Variants in TENM1 observed in about 807,000 individuals in gnomAD.
The protein encoded by TENM1 is teneurin transmembrane protein 1.
In TENM1, 35 loss-of-function variants were observed where a neutral mutation model predicts 174.8. The observed-to-expected ratio is 0.20, with a 90% CI of 0.15 to 0.27. The LOEUF (loss-of-function observed/expected upper bound fraction) is 0.27, where lower values mean the gene tolerates loss of function less well. Ranked by LOEUF, TENM1 falls within the 10% of genes least tolerant of loss-of-function variation. The probability of loss-of-function intolerance (pLI) is 1.00; values close to 1 mark genes in which losing one functional copy is unlikely to be tolerated. For missense variants in TENM1, 1,633 were observed against 2,130.1 expected (o/e 0.77, Z 4.59); for synonymous variants, 781 against 798.7 (o/e 0.98, Z 0.37).
chrX:125,043,422 A>G, the TENM1 span, among the ~76,000 whole-genome samples: 1 of 85,296 alleles, frequency 1.2e-5, no homozygotes, highest in South Asian at 7.4e-4. Flanking sequence ...AATGCTCACC[A>G]TCACTGGACA....
chrX:125,135,914 T>C, the TENM1 span, among the ~76,000 whole-genome samples: 3 of 112,003 alleles, frequency 2.7e-5, no homozygotes, highest in Non-Finnish European at 5.6e-5. Flanking sequence ...GGACTATGTG[T>C]CCTAATTTTT....
At chrX:124,967,947 G>C, upstream of TENM1, among the ~76,000 whole-genome samples, 1 of 111,997 alleles carries the variant, frequency 8.9e-6, no homozygotes, top group Non-Finnish European at 1.9e-5. Flanking sequence ...TAGTGGACTA[G>C]ATACTGGAAA....
At chrX:125,125,083 A>G in the TENM1 span, among the ~76,000 whole-genome samples, 7 of 112,573 alleles carry the variant, frequency 6.2e-5, no homozygotes, top group Admixed American at 1.9e-4. Context: ...GCTGGTTAAG[A>G]TATTGTAAAA....
chrX:124,605,236 A>G (rs1055084998), intron 11 of TENM1, among the ~76,000 whole-genome samples: 9 of 101,935 alleles, frequency 8.8e-5, no homozygotes, highest in African/African-American at 2.9e-4. Flanking sequence ...TCTTTCAGTA[A>G]AGAAAATAAA....
At chrX:124,635,623 G>C (rs1378869315) in intron 11 of TENM1, among the ~76,000 whole-genome samples, 1 of 112,103 alleles carries the variant, frequency 8.9e-6, no homozygotes, top group East Asian at 2.8e-4. Context: ...TAATGATAGA[G>C]GGAGTGGTTC....
chrX:124,709,799 C>T (rs1439122123), intron 4 of TENM1, among the ~76,000 whole-genome samples: 2 of 110,663 alleles, frequency 1.8e-5, no homozygotes, highest in African/African-American at 6.6e-5. Context: ...CTACATAATA[C>T]ACATCTATTC....
At chrX:124,778,245 C>T (rs913097955) in intron 3 of TENM1, among the ~76,000 whole-genome samples, 1 of 112,595 alleles carries the variant, frequency 8.9e-6, no homozygotes, top group Admixed American at 9.3e-5. Flanking sequence ...GGGAAGTTTG[C>T]GTTGTTTGCA....
At chrX:125,078,870 T>C in the TENM1 span, among the ~76,000 whole-genome samples, 2 of 111,791 alleles carry the variant, frequency 1.8e-5, no homozygotes, top group African/African-American at 6.5e-5. Context: ...TAGTAAGAGT[T>C]TGCAGTTATG....
intron 11 of TENM1, 29 bp downstream of exon 14, chrX:124,641,762 G>T (rs750999871): frequency 8.6e-7 from 1 of 1,164,800 alleles, no homozygotes; most frequent in Non-Finnish European, 1.2e-6. Context: ...AAGAGTAGAG[G>T]AAGGAGAAGG....
intron 21 of TENM1, among the ~76,000 whole-genome samples, chrX:124,485,252 A>G (rs1031150218): frequency 9.0e-6 from 1 of 111,194 alleles, no homozygotes; most frequent in African/African-American, 3.3e-5. Context: ...ATCAAGTAAG[A>G]GAATCCAGTA....
chrX:124,622,569 A>G (rs967651241), intron 11 of TENM1, among the ~76,000 whole-genome samples: 4 of 112,207 alleles, frequency 3.6e-5, no homozygotes, highest in Non-Finnish European at 7.5e-5. Flanking sequence ...CCCTTGCCAT[A>G]TCAGGATGAC....
At chrX:124,705,138 C>T (rs2052868136) in exon 5 of TENM1, 1 of 1,211,038 alleles carries the variant, frequency 8.3e-7, no homozygotes, top group South Asian at 1.8e-5. Context: ...AAAGGTGCTT[C>T]GAGGAAGAGG....
At chrX:124,608,714 T>C (rs1284980894) in intron 11 of TENM1, among the ~76,000 whole-genome samples, 4 of 110,520 alleles carry the variant, frequency 3.6e-5, no homozygotes, top group Non-Finnish European at 5.7e-5. Context: ...AAATCTCCAT[T>C]CAGACAGCAA....
chrX:124,892,436 CAG>C (rs752417283), intron 3 of TENM1, among the ~76,000 whole-genome samples: 5 of 111,263 alleles, frequency 4.5e-5, no homozygotes, highest in Non-Finnish European at 9.4e-5. Context: ...GGCAACCAAA[CAG>C]AGTTAAGGAA....
At chrX:124,936,361 C>T (rs748792868) in intron 1 of TENM1, among the ~76,000 whole-genome samples, 11 of 111,637 alleles carry the variant, frequency 9.9e-5, no homozygotes, top group Non-Finnish European at 2.1e-4. Flanking sequence ...TCACATGCTC[C>T]GCTCTTCCTT....
chrX:124,377,140 A>C (rs1001204555), exon 32 of TENM1: 11 of 110,980 alleles, frequency 9.9e-5, no homozygotes, highest in Admixed American at 1.9e-4. Flanking sequence ...TAAAGAAAAA[A>C]AAAAGAAAAA....
chrX:124,764,746 G>T (rs1405551217), intron 3 of TENM1, among the ~76,000 whole-genome samples: 2 of 107,151 alleles, frequency 1.9e-5, no homozygotes, highest in African/African-American at 6.8e-5. Flanking sequence ...CATGTAGATT[G>T]ACTATATTAC....
At chrX:124,509,882 G>C (rs1451938345) in intron 18 of TENM1, among the ~76,000 whole-genome samples, 1 of 106,625 alleles carries the variant, frequency 9.4e-6, no homozygotes, top group Non-Finnish European at 1.9e-5. Context: ...CACCACGCCT[G>C]GCTAATTTTT....
At chrX:125,186,725 G>T in the TENM1 span, among the ~76,000 whole-genome samples, 1 of 111,020 alleles carries the variant, frequency 9.0e-6, no homozygotes. Context: ...TTTCTTTAAA[G>T]CCTGCAGAAC....
Sources: gnomAD v4.1 joint callset for allele counts (sites outside exome capture counted in the v4.1 genomes callset) on GRCh38, gnomAD v4.1.1 for gene constraint, MANE v1.5 for transcripts, NCBI Gene and HGNC (gene_info 2026-07-23, HGNC 2026-07-21) for gene names.